ADCY2: variants seen among roughly 807,000 people sequenced by gnomAD.
The protein encoded by ADCY2 is adenylate cyclase 2, also known as adenylate cyclase type 2.
ADCY2 carries 31 observed loss-of-function variants against 125.2 expected under a neutral mutation model. The ratio of observed to expected loss-of-function variants is 0.25; its 90% CI spans 0.19 to 0.33. The LOEUF is 0.33. Among genes scored for constraint, ADCY2 ranks in the 10% least tolerant of loss-of-function variants. The pLI, the probability that ADCY2 is intolerant of heterozygous loss-of-function variation, is 1.00. For synonymous variants in ADCY2, 512 were observed against 548.4 expected (o/e 0.93, Z 0.93); for missense variants, 904 against 1,418.2 (o/e 0.64, Z 5.82).
chr5:7,703,246 A>G (rs1187098808), intron 7 of ADCY2, among the ~76,000 whole-genome samples: 1 of 152,126 alleles, frequency 6.6e-6, no homozygotes, highest in Non-Finnish European at 1.5e-5. Context: ...CCATTTGTCA[A>G]TTTTGGCTTT....
At chr5:7,775,883 T>G (rs976969631) in intron 18 of ADCY2, among the ~76,000 whole-genome samples, 11 of 152,200 alleles carry the variant, frequency 7.2e-5, no homozygotes, top group African/African-American at 2.7e-4. Context: ...GAGTCTTAAC[T>G]GATGCGATAG....
intron 7 of ADCY2, among the ~76,000 whole-genome samples, chr5:7,701,632 C>T (rs1004983742): frequency 1.3e-5 from 2 of 152,150 alleles, no homozygotes; most frequent in African/African-American, 2.4e-5. Flanking sequence ...ATTCTGTACC[C>T]ATTAAGCAGT....
At chr5:7,636,446 A>G (rs1031554356) in intron 4 of ADCY2, among the ~76,000 whole-genome samples, 2 of 152,236 alleles carry the variant, frequency 1.3e-5, no homozygotes, top group Non-Finnish European at 2.9e-5. Flanking sequence ...TGTGCAGTCT[A>G]TGCAGGGTGT....
intron 22 of ADCY2, among the ~76,000 whole-genome samples, chr5:7,805,301 A>T (rs1744725301): frequency 6.6e-6 from 1 of 152,192 alleles, no homozygotes; most frequent in Non-Finnish European, 1.5e-5. Context: ...AGCCCGTGTG[A>T]CAGAGTGACA....
chr5:7,506,635 G>A (rs1422706313), intron 2 of ADCY2, among the ~76,000 whole-genome samples: 1 of 152,038 alleles, frequency 6.6e-6, no homozygotes, highest in East Asian at 1.9e-4. Context: ...TATAATACTA[G>A]CTACCTAAGT....
At chr5:7,731,039 T>C (rs1742086995) in intron 14 of ADCY2, among the ~76,000 whole-genome samples, 1 of 152,078 alleles carries the variant, frequency 6.6e-6, no homozygotes, top group Non-Finnish European at 1.5e-5. Flanking sequence ...TGTGTTCTCA[T>C]CCTGGGCTCC....
intron 18 of ADCY2, among the ~76,000 whole-genome samples, chr5:7,777,069 A>G (rs1743755307): frequency 6.6e-6 from 1 of 151,712 alleles, no homozygotes; most frequent in African/African-American, 2.4e-5. Context: ...ATATATATAT[A>G]TACATCCTAT....
intron 3 of ADCY2, among the ~76,000 whole-genome samples, chr5:7,526,366 G>T (rs1459693296): frequency 1.3e-5 from 2 of 152,212 alleles, no homozygotes; most frequent in Non-Finnish European, 2.9e-5. Context: ...GTACAAAAAT[G>T]CAGGTAGAGA....
chr5:7,747,261 T>A (rs1742655268), intron 15 of ADCY2, among the ~76,000 whole-genome samples: 2 of 152,194 alleles, frequency 1.3e-5, no homozygotes, highest in South Asian at 4.1e-4. Flanking sequence ...ACCAAGCCCT[T>A]CTTTTTACAC....
intron 2 of ADCY2, among the ~76,000 whole-genome samples, chr5:7,458,845 T>C (rs528310163): frequency 6.6e-6 from 1 of 152,036 alleles, no homozygotes; most frequent in East Asian, 1.9e-4. Flanking sequence ...TGAAAAAAAG[T>C]GTTCTGATTG....
intron 2 of ADCY2, among the ~76,000 whole-genome samples, chr5:7,471,117 AT>A (rs1258210684): frequency 6.6e-6 from 1 of 151,766 alleles, no homozygotes; most frequent in Non-Finnish European, 1.5e-5. Flanking sequence ...CTTTTTTAAA[AT>A]TTTTTAACTT....
Position 7,577,135 on chromosome 5 carries a change from T to C in ADCY2, c.571-49032T>C, listed in dbSNP as rs749133822. On this transcript the variant is annotated intron_variant, in intron 3 of 24. Transcript: ENST00000338316. ...TATTTTTTCATAGACTATTGGATAT[T>C]CGAAACATTAGTCAGTCTCTGCTAC... 2.6e-4 allele frequency among the ~76,000 whole-genome samples: 40 copies of C among 152,172 alleles called. 1 individual carries two copies. Among genetic ancestry groups the C allele is most frequent in the Non-Finnish European group, 5.9e-5 (4 of 68,028 alleles).
chr5:7,472,482 A>G (rs1742377520), intron 2 of ADCY2, among the ~76,000 whole-genome samples: 1 of 151,910 alleles, frequency 6.6e-6, no homozygotes, highest in South Asian at 2.1e-4. Context: ...TCTGATATAC[A>G]TATATAATAT....
intron 3 of ADCY2, among the ~76,000 whole-genome samples, chr5:7,617,915 A>G (rs1178173145): frequency 3.3e-5 from 5 of 152,156 alleles, no homozygotes; most frequent in African/African-American, 1.2e-4. Context: ...TGTAATAGAA[A>G]AGTTTTTGTT....
At chr5:7,758,961 T>A (rs1006164978) in intron 16 of ADCY2, among the ~76,000 whole-genome samples, 9 of 152,066 alleles carry the variant, frequency 5.9e-5, no homozygotes, top group Non-Finnish European at 8.8e-5. Flanking sequence ...ACGCGAGAGA[T>A]CGTAAATTCC....
intron 2 of ADCY2, among the ~76,000 whole-genome samples, chr5:7,463,636 A>G (rs77493499): frequency 6.6e-6 from 1 of 151,970 alleles, no homozygotes; most frequent in South Asian, 2.1e-4. Flanking sequence ...AAAAAAAAAA[A>G]AAGAATGAGA....
intron 14 of ADCY2, among the ~76,000 whole-genome samples, chr5:7,739,902 A>C (rs771834238): frequency 6.6e-6 from 1 of 152,010 alleles, no homozygotes; most frequent in Non-Finnish European, 1.5e-5. Context: ...CTATTTATTG[A>C]ATTTGTTTTA....
intron 10 of ADCY2, among the ~76,000 whole-genome samples, chr5:7,711,415 A>T (rs1226133279): frequency 6.6e-6 from 1 of 152,208 alleles, no homozygotes; most frequent in Non-Finnish European, 1.5e-5. Flanking sequence ...GATTTATTGT[A>T]CATCAGCAAT....
intron 2 of ADCY2, among the ~76,000 whole-genome samples, chr5:7,474,111 T>C (rs1742435301): frequency 1.3e-5 from 2 of 152,358 alleles, no homozygotes; most frequent in African/African-American, 4.8e-5. Context: ...TTGTAAGTTA[T>C]CATGCTTTTT....
Sources: gnomAD v4.1 joint callset for allele counts (sites outside exome capture counted in the v4.1 genomes callset) on GRCh38, gnomAD v4.1.1 for gene constraint, MANE v1.5 for transcripts, NCBI Gene and HGNC (gene_info 2026-07-23, HGNC 2026-07-21) for gene names.